Variants in ABR observed in about 807,000 individuals in gnomAD.
The protein encoded by ABR is ABR activator of RhoGEF and GTPase.
A neutral mutation model predicts 107.2 loss-of-function variants in ABR; 35 were observed. That is an observed-to-expected ratio of 0.33 (90% CI 0.25 to 0.43). ABR has a LOEUF of 0.43. Ranked by LOEUF, ABR falls within the 20% of genes least tolerant of loss-of-function variation. The pLI is 1.00. For missense variants in ABR, 815 were observed against 1,115.2 expected, an observed-to-expected ratio of 0.73 and a Z score of 3.83; for synonymous variants, 498 against 462.0, an observed-to-expected ratio of 1.08 and a Z score of -1.00.
intron 22 of ABR, among the ~76,000 whole-genome samples, chr17:1,006,761 C>T (rs1438017199): frequency 2.6e-5 from 4 of 151,210 alleles, no homozygotes; most frequent in East Asian, 2.0e-4. Context: ...CGGGCCCGGG[C>T]GGTGCCAGGG....
rs982858454 is a variant in ABR at position 1,004,778 on chromosome 17, C to G, written c.*1302G>C. The G allele has an allele frequency of 2.8e-5, 10 of 352,134 alleles. No homozygotes were observed. The highest frequency in any genetic ancestry group is 1.7e-4 in the African/African-American group (8 of 47,728). The allele number at this position is 352,134 out of a possible 1,614,324, so 21.8% of individuals were successfully genotyped here. Reference sequence around the variant, plus strand: ...CACTCTCCCCACAACTTCTGGAGTTCCCAGTGTTTACCCAAAAGGCTGTAT... The same window carrying G: ...CACTCTCCCCACAACTTCTGGAGTTGCCAGTGTTTACCCAAAAGGCTGTAT... On this transcript the variant is annotated 3_prime_UTR_variant, in exon 23 of 23. Transcript: ENST00000302538.
At chr17:1,086,589 C>T (rs1394605828) in intron 4 of ABR, among the ~76,000 whole-genome samples, 1 of 151,982 alleles carries the variant, frequency 6.6e-6, no homozygotes, top group Non-Finnish European at 1.5e-5. Flanking sequence ...CAAACTCCGC[C>T]TCCTGGGTTC....
intron 6 of ABR, chr17:1,079,128 G>A (rs2151229598): frequency 1.4e-6 from 2 of 1,436,180 alleles, no homozygotes; most frequent in Non-Finnish European, 1.8e-6. Flanking sequence ...TAGCTGGCTG[G>A]CTGCCTGGGC....
chr17:1,058,078 CCA>C (rs1161958520), intron 11 of ABR, 33 bp from the exon 12 acceptor site: 1 of 1,563,920 alleles, frequency 6.4e-7, no homozygotes, highest in Non-Finnish European at 8.8e-7. Flanking sequence ...AAGTGGGTGA[CCA>C]CAGTCAGGCA....
In ABR at chr17:1,210,095, C is replaced by A. The variant is rs6598854; in HGVS notation, c.838+18698G>T. Among the ~76,000 whole-genome samples, 146,694 of 152,300 alleles carry A rather than the reference C, an allele frequency of 0.96. 70,901 individuals carry two copies. The highest frequency in any genetic ancestry group is 1 in the East Asian group (5,186 of 5,186). On this transcript the variant is annotated intron_variant, in intron 1 of 22. Transcript: ENST00000574139. This position sits in a 1 kb window ranked among gnomAD's most constrained non-coding sequence, Gnocchi z 5.6. ...AATTAGTAAAGCACTAAATTAGTGA[C>A]GGCTGATCTCTTAGAGAGACAGGGA...
At chr17:1,023,723 T>A (rs776854801) in intron 16 of ABR, among the ~76,000 whole-genome samples, 1 of 151,218 alleles carries the variant, frequency 6.6e-6, no homozygotes, top group Non-Finnish European at 1.5e-5. Context: ...GGACCTGGAG[T>A]GGTTAAGAAA....
At chr17:1,009,218 T>TC (rs1237097323) in intron 21 of ABR, among the ~76,000 whole-genome samples, 1 of 38,870 alleles carries the variant, frequency 2.6e-5, no homozygotes, top group Non-Finnish European at 6.7e-5. Flanking sequence ...CTGCTGTCCA[T>TC]CCCCACTACT....
chr17:1,087,316 T>G (rs2036660281), intron 4 of ABR, among the ~76,000 whole-genome samples: 1 of 150,378 alleles, frequency 6.6e-6, no homozygotes, highest in Non-Finnish European at 1.5e-5. Context: ...GGGGTGGGGG[T>G]AGGGGTGGGG....
chr17:1,098,426 G>A lies in ABR; in HGVS notation c.345+2211C>T, dbSNP rs151290675. On this transcript the variant is annotated intron_variant, in intron 3 of 22. Coordinates refer to ENST00000302538, the MANE Select transcript of ABR (RefSeq NM_021962.5). The stretch of plus-strand genomic sequence containing the variant: ...AACAGGTGTAAGACACCATGGGCCC[G>A]GCAATTACATATATATACAGGCACA... Among the ~76,000 whole-genome samples the A allele has an allele frequency of 1.1e-4, 16 of 152,214 alleles. No individual in the cohort carries two copies. In the East Asian group the frequency reaches 1.2e-3, roughly 11 times the overall value.
chr17:1,068,421 C>G (rs1402860677), intron 9 of ABR, among the ~76,000 whole-genome samples: 1 of 152,024 alleles, frequency 6.6e-6, no homozygotes, highest in Non-Finnish European at 1.5e-5. Flanking sequence ...AACACACTGG[C>G]TGTGGAGTCC....
intron 16 of ABR, among the ~76,000 whole-genome samples, chr17:1,032,661 C>CAGAGGACGCCACGGGCAACCACCCGCGT (rs1407110844): frequency 2.0e-5 from 3 of 148,960 alleles, no homozygotes; most frequent in African/African-American, 7.3e-5. Flanking sequence ...GTGCTGGGCG[C>CAGAGGACGCCACGGGCAACCACCCGCGT]CTTGAGAGAG....
chr17:1,187,843 G>A (rs995338254), upstream of ABR, among the ~76,000 whole-genome samples: 8 of 151,920 alleles, frequency 5.3e-5, no homozygotes, highest in South Asian at 1.5e-3. Context: ...GCAGTGAGCC[G>A]AGATCATGCC....
chr17:1,009,647 G>A, intron 21 of ABR, 32 bp downstream of exon 21: 1 of 1,574,658 alleles, frequency 6.4e-7, no homozygotes, highest in South Asian at 1.1e-5. Flanking sequence ...AGGAGGGACT[G>A]AGGAGGTGGG....
At chr17:1,026,526 G>A (rs921473963) in intron 16 of ABR, among the ~76,000 whole-genome samples, 20 of 152,140 alleles carry the variant, frequency 1.3e-4, no homozygotes, top group African/African-American at 4.8e-4. Context: ...AGTCTCTGTG[G>A]GGATCCTGGG....
chr17:1,021,227 ACTGGACGACGGG>A (rs2150817142), intron 16 of ABR, among the ~76,000 whole-genome samples: 1 of 152,312 alleles, frequency 6.6e-6, no homozygotes, highest in African/African-American at 2.4e-5. Context: ...CCAGGGGCTC[ACTGGACGACGGG>A]AATCTGAAGA....
chr17:1,199,768 TAA>T (rs2042638198), intron 1 of ABR, among the ~76,000 whole-genome samples: 1 of 152,100 alleles, frequency 6.6e-6, no homozygotes, highest in African/African-American at 2.4e-5. Flanking sequence ...TTTAAAACTA[TAA>T]GTTTATTCAG....
rs117422617 is a variant in ABR, at chr17:1,157,232, T to C, written c.61+22435A>G. ...CCCTCTCTTGCTACTAAGTCAGTCG[T>C]GCTACAGCGCACATTACTTTTTTTT... is the stretch of plus-strand genomic sequence containing the variant. On this transcript the variant is annotated intron_variant, in intron 1 of 22. Transcript: ENST00000302538. This position sits in a 1 kb window ranked among gnomAD's most constrained non-coding sequence, Gnocchi z 4.7. 6.4e-3 allele frequency among the ~76,000 whole-genome samples: 953 copies of C among 149,900 alleles called. 32 individuals carry two copies. The East Asian group carries it at 0.11, about 17-fold the overall frequency.
chr17:1,140,925 G>A (rs1381292695), intron 1 of ABR, among the ~76,000 whole-genome samples: 1 of 151,572 alleles, frequency 6.6e-6, no homozygotes, highest in East Asian at 2.0e-4. Context: ...AGTGAGCTGA[G>A]ATCGCACCAC....
intron 1 of ABR, among the ~76,000 whole-genome samples, chr17:1,171,167 C>T (rs371947932): frequency 1.1e-4 from 17 of 152,296 alleles, no homozygotes; most frequent in South Asian, 1.0e-3. Flanking sequence ...AAGTCAATTG[C>T]GGCTGTGAGG....
Sources: allele counts gnomAD v4.1 joint callset (sites outside exome capture counted in the v4.1 genomes callset), GRCh38; gene constraint gnomAD v4.1.1; non-coding constraint Gnocchi (gnomAD v3.1); transcripts MANE v1.5; gene names NCBI Gene and HGNC (gene_info 2026-07-23, HGNC 2026-07-21).